The following NPAS3 variants were observed in gnomAD, a reference collection of about 807,000 sequenced individuals.
NPAS3 encodes neuronal PAS domain protein 3, also known as neuronal PAS domain-containing protein 3.
A neutral mutation model predicts 73.1 loss-of-function variants in NPAS3; 14 were observed. That is an observed-to-expected ratio of 0.19 (90% CI 0.13 to 0.30). The LOEUF is 0.30. NPAS3 is among the 10% of genes least tolerant of loss of function. The pLI, the probability that NPAS3 is intolerant of heterozygous loss-of-function variation, is 1.00. For missense variants in NPAS3, 1,096 were observed against 1,250.0 expected, an observed-to-expected ratio of 0.88 and a Z score of 1.86; for synonymous variants, 620 against 541.5, an observed-to-expected ratio of 1.14 and a Z score of -2.01.
At chr14:33,620,677 A>G (rs995432431) in intron 5 of NPAS3, among the ~76,000 whole-genome samples, 1 of 152,326 alleles carries the variant, frequency 6.6e-6, no homozygotes, top group Admixed American at 6.5e-5. Context: ...GACATAACAT[A>G]CAGTTATAAT....
chr14:33,503,190 G>A (rs1003959506), intron 4 of NPAS3, among the ~76,000 whole-genome samples: 2 of 151,784 alleles, frequency 1.3e-5, no homozygotes, highest in Admixed American at 1.3e-4. Flanking sequence ...TTCTTAAATA[G>A]ATAAGTGAGA....
intron 1 of NPAS3, among the ~76,000 whole-genome samples, chr14:32,976,501 A>G (rs890064326): frequency 1.3e-5 from 2 of 152,218 alleles, no homozygotes; most frequent in African/African-American, 2.4e-5. Flanking sequence ...AGTGGTACAC[A>G]TGTATTAGAG....
intron 4 of NPAS3, among the ~76,000 whole-genome samples, chr14:33,504,063 AG>A (rs2052645598): frequency 6.6e-6 from 1 of 152,008 alleles, no homozygotes; most frequent in South Asian, 2.1e-4. Flanking sequence ...CACCGCACAT[AG>A]GGTGTTGGCC....
Position 33,800,179 on chromosome 14 carries a change from C to A in NPAS3, c.1872C>A (p.Gly624=), listed in dbSNP as rs1445367648. ...GCCTGTCCAGCGCGTCGAGCCCAGG[C>A]GGCCTGGACGCGGGCCTGGTGGAGC... Residue 624 remains glycine, a synonymous_variant, in exon 12 of 12, where the codon GGC becomes GGA. Coordinates refer to ENST00000356141, the Ensembl canonical transcript of NPAS3. The surrounding 1 kb of genome is among the most constrained non-coding windows in gnomAD (Gnocchi z 6.5). 1 of 1,609,998 alleles carries A rather than the reference C, an allele frequency of 6.2e-7. No individual in the cohort carries two copies. Among genetic ancestry groups the A allele is most frequent in the South Asian group, 1.1e-5 (1 of 90,834 alleles).
chr14:33,612,219 G>T (rs2057772542), intron 5 of NPAS3, among the ~76,000 whole-genome samples: 1 of 152,182 alleles, frequency 6.6e-6, no homozygotes, highest in African/African-American at 2.4e-5. Context: ...AGAATGAAAA[G>T]AGGGAAAAAA....
chr14:33,764,246 C>T (rs1398489026), intron 7 of NPAS3, among the ~76,000 whole-genome samples: 1 of 152,164 alleles, frequency 6.6e-6, no homozygotes. Flanking sequence ...GAGGGGTACA[C>T]GGCTGTCTTT....
At chr14:32,972,383 A>G (rs965099767) in intron 1 of NPAS3, among the ~76,000 whole-genome samples, 1 of 152,252 alleles carries the variant, frequency 6.6e-6, no homozygotes, top group Admixed American at 6.5e-5. Flanking sequence ...TTTAAAAAAT[A>G]TTGAAAATAA....
In NPAS3 at chr14:33,167,614, T is replaced by C. The variant is rs1454230404; in HGVS notation, c.141-47568T>C. Among the ~76,000 whole-genome samples the C allele has an allele frequency of 2.6e-5, 4 of 152,200 alleles. No homozygotes were observed. In the East Asian group the frequency reaches 7.7e-4, roughly 29 times the overall value. On this transcript the variant is annotated intron_variant, in intron 2 of 11. Transcript: ENST00000356141. ...AAGATAATACTAATTTTGATAAATA[T>C]AGATTTATGTATTTATAAATGAGAT...
At chr14:33,691,937 T>C (rs1221046984) in intron 6 of NPAS3, among the ~76,000 whole-genome samples, 1 of 152,196 alleles carries the variant, frequency 6.6e-6, no homozygotes, top group Non-Finnish European at 1.5e-5. Flanking sequence ...AATCTGCTGA[T>C]AGGAAACAAA....
chr14:33,130,479 T>C (rs565764360), intron 2 of NPAS3, among the ~76,000 whole-genome samples: 2 of 152,318 alleles, frequency 1.3e-5, no homozygotes, highest in Non-Finnish European at 2.9e-5. Flanking sequence ...TTAAGTAAAA[T>C]TAAGCATGAT....
downstream of NPAS3, chr14:33,801,111 G>C (rs1025761260): frequency 6.3e-7 from 1 of 1,575,828 alleles, no homozygotes; most frequent in Non-Finnish European, 8.6e-7. Context: ...GAGGACTGAG[G>C]CGCCGCCCGT....
intron 3 of NPAS3, among the ~76,000 whole-genome samples, chr14:33,351,636 T>G (rs1326972245): frequency 2.0e-5 from 3 of 152,256 alleles, no homozygotes; most frequent in Non-Finnish European, 4.4e-5. Flanking sequence ...CGCTTCTTTT[T>G]GTGTACTCTC....
intron 4 of NPAS3, among the ~76,000 whole-genome samples, chr14:33,543,946 C>CATATATATATATATATCT (rs2054634400): frequency 9.5e-6 from 1 of 104,940 alleles, no homozygotes; most frequent in African/African-American, 2.9e-5. Flanking sequence ...TGGCAAAGTG[C>CATATATATATATATATCT]ATATATATAT....
intron 2 of NPAS3, among the ~76,000 whole-genome samples, chr14:33,073,064 T>C (rs945888402): frequency 6.6e-6 from 1 of 152,194 alleles, no homozygotes; most frequent in African/African-American, 2.4e-5. Flanking sequence ...ACTGCTGGGT[T>C]TTAATATTCC....
chr14:33,537,478 G>A (rs2054307660), intron 4 of NPAS3, among the ~76,000 whole-genome samples: 1 of 152,128 alleles, frequency 6.6e-6, no homozygotes, highest in Admixed American at 6.5e-5. Context: ...TTGAAAATAT[G>A]GCTAGTTCAT....
chr14:32,936,548 C>A (rs184457816), upstream of NPAS3, among the ~76,000 whole-genome samples: 20 of 152,058 alleles, frequency 1.3e-4, no homozygotes, highest in African/African-American at 4.3e-4. Flanking sequence ...TAGTATCTGG[C>A]GGTCACTTTA....
In NPAS3 at chr14:33,476,368, A is replaced by G. The variant is rs148089340; in HGVS notation, c.469-83753A>G. On this transcript the variant is annotated intron_variant, in intron 4 of 11. Coordinates refer to ENST00000356141, the Ensembl canonical transcript of NPAS3. Reference sequence around the variant, plus strand: ...TTTTAAACTGTAATATCCTTTCCTCAATGACTACTTGTCAATTTCACTGAT... The same window carrying G: ...TTTTAAACTGTAATATCCTTTCCTCGATGACTACTTGTCAATTTCACTGAT... Among the ~76,000 whole-genome samples, 117 of 152,292 alleles carry G rather than the reference A, an allele frequency of 7.7e-4. 1 individual carries two copies. The highest frequency in any genetic ancestry group is 2.8e-3 in the African/African-American group (116 of 41,566).
intron 3 of NPAS3, among the ~76,000 whole-genome samples, chr14:33,345,032 G>A (rs149800111): frequency 3.3e-5 from 5 of 152,284 alleles, no homozygotes; most frequent in Non-Finnish European, 4.4e-5. Context: ...TGCAAGCTCC[G>A]GTCTACAACC....
rs765017776 is a variant in NPAS3, at chr14:33,800,825, A to G, written c.2518A>G (p.Met840Val). Residue 840 changes from methionine to valine, a missense_variant, in exon 12 of 12, where the codon ATG (methionine) becomes GTG (valine). Coordinates refer to ENST00000356141, the Ensembl canonical transcript of NPAS3. The surrounding 1 kb of genome is among the most constrained non-coding windows in gnomAD (Gnocchi z 6.5). The stretch of plus-strand genomic sequence containing the variant: ...CGCGCCCGCCGAGGTGACCCTGGCC[A>G]TGCAGAGCAACCTGCTGCCCAACGC... 4 of 1,602,776 alleles carry G rather than the reference A, an allele frequency of 2.5e-6. 1 individual carries two copies. Among genetic ancestry groups the G allele is most frequent in the South Asian group, 2.3e-5 (2 of 88,638 alleles).
Sources: gnomAD v4.1 joint callset for allele counts (sites outside exome capture counted in the v4.1 genomes callset) on GRCh38, gnomAD v4.1.1 for gene constraint, Gnocchi (gnomAD v3.1) non-coding constraint, MANE v1.5 for transcripts, NCBI Gene and HGNC (gene_info 2026-07-23, HGNC 2026-07-21) for gene names.